The following SUMF1 variants were observed in gnomAD, a reference collection of about 807,000 sequenced individuals.
SUMF1 encodes the protein sulfatase modifying factor 1.
A neutral mutation model predicts 47.6 loss-of-function variants in SUMF1; 48 were observed. The observed-to-expected ratio is 1.01, with a 90% confidence interval of 0.80 to 1.28. The LOEUF (loss-of-function observed/expected upper bound fraction) is 1.28. Among genes scored for constraint, SUMF1 ranks in the 50% most tolerant of loss-of-function variants. The probability of loss-of-function intolerance (pLI) is 0.00; values close to 1 mark genes in which losing one functional copy is unlikely to be tolerated. For synonymous variants in SUMF1, 230 were observed against 192.1 expected, an observed-to-expected ratio of 1.20 and a Z score of -1.63; for missense variants, 571 against 485.4, an observed-to-expected ratio of 1.18 and a Z score of -1.66.
intron 9 of SUMF1, among the ~76,000 whole-genome samples, chr3:4,065,308 G>T (rs768419575): frequency 1.3e-5 from 2 of 152,070 alleles, no homozygotes; most frequent in Non-Finnish European, 2.9e-5. Flanking sequence ...GGGCTAGAAA[G>T]AAGAGGAAAT....
chr3:4,160,691 T>A (rs1377072685), intron 8 of SUMF1, among the ~76,000 whole-genome samples: 2 of 152,120 alleles, frequency 1.3e-5, no homozygotes, highest in Non-Finnish European at 2.9e-5. Flanking sequence ...CATCTCTTTG[T>A]TAAATTTATC....
chr3:4,084,031 T>C (rs1029032297), intron 8 of SUMF1, among the ~76,000 whole-genome samples: 6 of 152,050 alleles, frequency 3.9e-5, no homozygotes, highest in African/African-American at 1.5e-4. Context: ...CAAGATGGAA[T>C]AGGAAAGAAA....
intron 8 of SUMF1, among the ~76,000 whole-genome samples, chr3:4,241,430 C>T (rs114810329): frequency 6.6e-6 from 1 of 151,994 alleles, no homozygotes; most frequent in Admixed American, 6.6e-5. Context: ...AGTTTAAGTC[C>T]CAGCTCAACT....
intron 8 of SUMF1, among the ~76,000 whole-genome samples, chr3:4,152,083 T>A (rs144881058): frequency 1.3e-5 from 2 of 151,612 alleles, no homozygotes; most frequent in Non-Finnish European, 2.9e-5. Context: ...GAGACCAGAC[T>A]ATGGGCCATA....
chr3:4,171,371 T>C (rs951747662), intron 8 of SUMF1, among the ~76,000 whole-genome samples: 5 of 152,070 alleles, frequency 3.3e-5, no homozygotes, highest in African/African-American at 1.2e-4. Context: ...AAGGAAAGGG[T>C]AAATTAACTT....
At chr3:4,438,612 CCAAACTTA>C (rs1335297124) in intron 3 of SUMF1, among the ~76,000 whole-genome samples, 4 of 152,108 alleles carry the variant, frequency 2.6e-5, no homozygotes, top group Non-Finnish European at 5.9e-5. Context: ...AGACATACTT[CCAAACTTA>C]CATACGCTTA....
chr3:4,218,935 T>G (rs1696001663), intron 8 of SUMF1, among the ~76,000 whole-genome samples: 1 of 152,144 alleles, frequency 6.6e-6, no homozygotes, highest in South Asian at 2.1e-4. Context: ...AAATTCGTGC[T>G]CACAGAGGAA....
Position 4,362,113 on chromosome 3 carries a change from T to A in SUMF1, c.*31A>T, listed in dbSNP as rs1345310886. 4 of 1,600,302 alleles carry A rather than the reference T, an allele frequency of 2.5e-6. No homozygotes were observed. The African/African-American group carries it at 5.4e-5, about 21-fold the overall frequency. On this transcript the variant is annotated 3_prime_UTR_variant, in exon 9 of 9. Transcript: ENST00000272902. Reference sequence around the variant, plus strand: ...CCCAATGTAGGTCAGACACGACTGCTCCTTGGACTGGGGAAGACTTTCCTT... The same window carrying A: ...CCCAATGTAGGTCAGACACGACTGCACCTTGGACTGGGGAAGACTTTCCTT...
intron 7 of SUMF1, among the ~76,000 whole-genome samples, chr3:4,389,230 G>A (rs1485197181): frequency 2.0e-5 from 3 of 152,040 alleles, no homozygotes; most frequent in Non-Finnish European, 2.9e-5. Context: ...ACTGGATAAG[G>A]ATTCTGGGTT....
Position 4,040,099 on chromosome 3 carries a change from T to C in SUMF1, c.1191+28470A>G, listed in dbSNP as rs60257256. Among the ~76,000 whole-genome samples, 246 of 152,272 alleles carry C rather than the reference T, an allele frequency of 1.6e-3. 2 individuals are homozygous for C. The South Asian group carries it at 0.024, about 15-fold the overall frequency. On this transcript the variant is annotated intron_variant and NMD_transcript_variant, in intron 9 of 12. Transcript: ENST00000448413. ...TTTTACCACACACACAAAAGAGAGATAACTATGTAAGGTGATAGATATGTT... is the reference window on the plus strand; with the variant it reads ...TTTTACCACACACACAAAAGAGAGACAACTATGTAAGGTGATAGATATGTT...
intron 8 of SUMF1, among the ~76,000 whole-genome samples, chr3:4,230,746 C>G (rs1185173195): frequency 6.6e-6 from 1 of 152,084 alleles, no homozygotes; most frequent in East Asian, 1.9e-4. Context: ...CTTCGTCTTT[C>G]TGGTGACCAG....
intron 8 of SUMF1, among the ~76,000 whole-genome samples, chr3:4,289,696 T>C (rs1697703115): frequency 2.0e-5 from 3 of 152,200 alleles, no homozygotes; most frequent in Non-Finnish European, 2.9e-5. Context: ...ACCCATTTTC[T>C]TTGTTGCTAT....
chr3:4,104,922 A>C (rs1693123808), intron 8 of SUMF1, among the ~76,000 whole-genome samples: 1 of 152,094 alleles, frequency 6.6e-6, no homozygotes, highest in Non-Finnish European at 1.5e-5. Context: ...AGATACCTAC[A>C]TTCCCATGTT....
At chr3:4,233,263 G>C (rs1357969956) in intron 8 of SUMF1, among the ~76,000 whole-genome samples, 1 of 152,060 alleles carries the variant, frequency 6.6e-6, no homozygotes, top group African/African-American at 2.4e-5. Flanking sequence ...GGCCTAGCAG[G>C]TCAATGTTAG....
At chr3:4,358,540 G>A (rs375516134), downstream of SUMF1, among the ~76,000 whole-genome samples, 13 of 152,294 alleles carry the variant, frequency 8.5e-5, no homozygotes, top group African/African-American at 2.4e-4. Context: ...TTTAAAACAT[G>A]TTTTGAAACA....
intron 8 of SUMF1, among the ~76,000 whole-genome samples, chr3:4,315,206 G>T (rs1275609782): frequency 6.6e-6 from 1 of 152,108 alleles, no homozygotes; most frequent in African/African-American, 2.4e-5. Context: ...TGCCTCTGAA[G>T]CAGTCCTGCT....
intron 8 of SUMF1, among the ~76,000 whole-genome samples, chr3:4,299,274 A>T (rs767899713): frequency 8.5e-5 from 13 of 152,218 alleles, no homozygotes; most frequent in Non-Finnish European, 1.3e-4. Context: ...AACAGCTCCC[A>T]GGCAGCTCTG....
At chr3:4,334,905 G>A (rs963894592) in intron 8 of SUMF1, among the ~76,000 whole-genome samples, 1 of 152,142 alleles carries the variant, frequency 6.6e-6, no homozygotes. Flanking sequence ...CTGTAAAACA[G>A]TTTATCTTTT....
At position 4,325,075 on chromosome 3, in the gene SUMF1, C is replaced by G. The variant is rs1490794782; in HGVS notation, c.1014+51255G>C. 3.3e-5 allele frequency among the ~76,000 whole-genome samples: 5 copies of G among 152,092 alleles called. No individual in the cohort carries two copies. The East Asian group carries it at 9.6e-4, about 29-fold the overall frequency. ...CATCAGATCTCATGAAACTTATTGA[C>G]TATCACAAGATCAGCATGGAAAAGA... On this transcript the variant is annotated intron_variant and NMD_transcript_variant, in intron 8 of 12. Transcript: ENST00000448413.
Sources: gnomAD v4.1 joint callset for allele counts (sites outside exome capture counted in the v4.1 genomes callset) on GRCh38, gnomAD v4.1.1 for gene constraint, MANE v1.5 for transcripts, NCBI Gene and HGNC (gene_info 2026-07-23, HGNC 2026-07-21) for gene names.